Variants in TECRL observed in about 807,000 individuals in gnomAD.
TECRL encodes trans-2,3-enoyl-CoA reductase-like.
In TECRL, 63 loss-of-function variants were observed where a neutral mutation model predicts 52.8. That is an observed-to-expected ratio of 1.19 (90% CI 0.97 to 1.47). The LOEUF (loss-of-function observed/expected upper bound fraction) is 1.47. Among genes scored for constraint, TECRL ranks in the 40% most tolerant of loss-of-function variants. The probability of loss-of-function intolerance (pLI) is 0.00; values close to 1 mark genes in which losing one functional copy is unlikely to be tolerated. For missense variants in TECRL, 482 were observed against 429.6 expected, an observed-to-expected ratio of 1.12 and a Z score of -1.08; for synonymous variants, 164 against 141.9, an observed-to-expected ratio of 1.16 and a Z score of -1.10.
rs138293697 is a variant in TECRL, at chr4:64,281,646, A to G, written c.833-87T>C. 1.4e-3 allele frequency: 926 copies of G among 655,992 alleles called. 6 individuals carry two copies. Among genetic ancestry groups the G allele is most frequent in the East Asian group, 9.6e-3 (320 of 33,274 alleles). 40.6% of individuals were successfully genotyped at this position (655,992 alleles called of 1,614,324 possible). A position where few individuals can be genotyped will look rare whatever the true frequency, so the allele number is the denominator to read the frequency against. On this transcript the variant is annotated intron_variant, in intron 9 of 11. Coordinates refer to ENST00000381210, the MANE Select transcript of TECRL (RefSeq NM_001010874.5). ...ATTATATAATACTAAGTTCCCCAAA[A>G]TAACTGTGTACCACATGAAATGTCA...
chr4:64,358,388 T>C (rs1247733139), intron 2 of TECRL, among the ~76,000 whole-genome samples: 1 of 151,886 alleles, frequency 6.6e-6, no homozygotes, highest in Non-Finnish European at 1.5e-5. Context: ...TTAGAATTTA[T>C]ATCTACAGGA....
chr4:64,368,212 ATAATT>A (rs1721735437), intron 2 of TECRL, among the ~76,000 whole-genome samples: 1 of 151,830 alleles, frequency 6.6e-6, no homozygotes, highest in African/African-American at 2.4e-5. Flanking sequence ...GAATTCATGA[ATAATT>A]TGGCAAATTA....
At position 64,345,923 on chromosome 4, in the gene TECRL, A is replaced by AAAAAAAAAAAAAAAAC. The variant is rs1560516713; in HGVS notation, c.287-17368_287-17367insGTTTTTTTTTTTTTTT. On this transcript the variant is annotated intron_variant, in intron 2 of 11. Transcript: ENST00000381210. Reference sequence around the variant, plus strand: ...CCTCAACAGCAAAAAAAAAAAAAAAAAAAAAAAACATTTATCATATCCCTC... The same window carrying AAAAAAAAAAAAAAAAC: ...CCTCAACAGCAAAAAAAAAAAAAAAAAAAAAAAAAAAAAAACAAAAAAAACATTTATCATATCCCTC... Among the ~76,000 whole-genome samples the AAAAAAAAAAAAAAAAC allele has an allele frequency of 4.8e-5, 7 of 145,214 alleles. 1 individual carries two copies. In the East Asian group the frequency reaches 1.4e-3, roughly 29 times the overall value.
intron 11 of TECRL, among the ~76,000 whole-genome samples, chr4:64,280,725 C>T (rs1722780967): frequency 6.6e-6 from 1 of 152,132 alleles, no homozygotes; most frequent in Admixed American, 6.6e-5. Context: ...AAAACACATA[C>T]ACATGCCTGT....
At chr4:64,318,999 C>G (rs1359035956) in intron 4 of TECRL, among the ~76,000 whole-genome samples, 2 of 151,694 alleles carry the variant, frequency 1.3e-5, no homozygotes, top group Non-Finnish European at 1.5e-5. Context: ...TCAGGAGGTG[C>G]TCAAATGTAA....
intron 2 of TECRL, among the ~76,000 whole-genome samples, chr4:64,338,091 C>A (rs369927292): frequency 2.0e-4 from 30 of 152,150 alleles, no homozygotes; most frequent in South Asian, 1.7e-3. Flanking sequence ...GAGATATAGA[C>A]CAATGGAACA....
At chr4:64,339,104 T>C (rs571984424) in intron 2 of TECRL, among the ~76,000 whole-genome samples, 4 of 151,844 alleles carry the variant, frequency 2.6e-5, no homozygotes, top group African/African-American at 7.2e-5. Flanking sequence ...TATGTAGCCA[T>C]AAAAAATGAT....
chr4:64,338,130 C>A (rs1235637897), intron 2 of TECRL, among the ~76,000 whole-genome samples: 1 of 152,016 alleles, frequency 6.6e-6, no homozygotes, highest in African/African-American at 2.4e-5. Context: ...TAATACCACA[C>A]ATCTACAACT....
chr4:64,284,024 C>A (rs1489531658), intron 9 of TECRL, among the ~76,000 whole-genome samples: 1 of 152,030 alleles, frequency 6.6e-6, no homozygotes, highest in Admixed American at 6.6e-5. Context: ...CCCAAAGGAG[C>A]TGCAGAACCT....
intron 5 of TECRL, among the ~76,000 whole-genome samples, chr4:64,310,389 G>C (rs1412307140): frequency 1.3e-5 from 2 of 152,164 alleles, no homozygotes; most frequent in East Asian, 3.8e-4. Context: ...CTAAGATTGA[G>C]AAAATTTAAA....
chr4:64,349,185 T>TGCAATGGAC (rs1720206933), intron 2 of TECRL, among the ~76,000 whole-genome samples: 1 of 147,986 alleles, frequency 6.8e-6, no homozygotes, highest in Non-Finnish European at 1.5e-5. Context: ...CAGGCTGTAG[T>TGCAATGGAC]GCAATGGAAT....
chr4:64,334,759 A>C (rs1408055529), intron 2 of TECRL, among the ~76,000 whole-genome samples: 4 of 152,224 alleles, frequency 2.6e-5, no homozygotes, highest in Admixed American at 2.6e-4. Context: ...GGAAGGATGC[A>C]TAAAGCAACA....
At chr4:64,345,030 T>A (rs373529984) in intron 2 of TECRL, among the ~76,000 whole-genome samples, 66 of 152,278 alleles carry the variant, frequency 4.3e-4, no homozygotes, top group African/African-American at 1.5e-3. Context: ...CCAGTTAGAA[T>A]GGCGATCATT....
intron 1 of TECRL, among the ~76,000 whole-genome samples, chr4:64,402,715 G>A (rs761856772): frequency 7.2e-5 from 11 of 152,082 alleles, no homozygotes; most frequent in Non-Finnish European, 1.2e-4. Context: ...TGTAGTAATA[G>A]AGAAGAGCTA....
intron 1 of TECRL, among the ~76,000 whole-genome samples, chr4:64,385,136 G>C (rs1723086477): frequency 6.6e-6 from 1 of 152,122 alleles, no homozygotes; most frequent in Non-Finnish European, 1.5e-5. Flanking sequence ...TCCTCATAGA[G>C]GCTGGTGGCT....
chr4:64,357,574 TAAC>T (rs1002299561), intron 2 of TECRL, among the ~76,000 whole-genome samples: 14 of 148,840 alleles, frequency 9.4e-5, no homozygotes, highest in African/African-American at 3.1e-4. Flanking sequence ...ACAAATTCAT[TAAC>T]AATTATAATA....
chr4:64,337,501 A>G (rs1254330552), intron 2 of TECRL, among the ~76,000 whole-genome samples: 2 of 152,216 alleles, frequency 1.3e-5, no homozygotes, highest in African/African-American at 4.8e-5. Context: ...CTGTTTGCAG[A>G]TGACATGATT....
At chr4:64,388,653 T>C (rs914425566) in intron 1 of TECRL, among the ~76,000 whole-genome samples, 41 of 151,982 alleles carry the variant, frequency 2.7e-4, no homozygotes, top group African/African-American at 9.2e-4. Context: ...TCCTATCCAC[T>C]AACATAAAGT....
At chr4:64,355,794 C>CAAAAAAAAAAAAA (rs1161940429) in intron 2 of TECRL, among the ~76,000 whole-genome samples, 6 of 119,718 alleles carry the variant, frequency 5.0e-5, no homozygotes, top group African/African-American at 1.6e-4. Context: ...GACTCTGTCT[C>CAAAAAAAAAAAAA]AAAAAAAAAA....
Sources: gnomAD v4.1 joint callset for allele counts (sites outside exome capture counted in the v4.1 genomes callset) on GRCh38, gnomAD v4.1.1 for gene constraint, MANE v1.5 for transcripts, NCBI Gene and HGNC (gene_info 2026-07-23, HGNC 2026-07-21) for gene names.